KIAA0513: variants seen among roughly 807,000 people sequenced by gnomAD.
KIAA0513 encodes uncharacterized protein KIAA0513.
KIAA0513 carries 39 observed loss-of-function variants against 56.5 expected under a neutral mutation model. That is an observed-to-expected ratio of 0.69 (90% CI 0.53 to 0.90). KIAA0513 has a LOEUF of 0.90. Among genes scored for constraint, KIAA0513 ranks in the 40% least tolerant of loss-of-function variants. The pLI is 0.00. For synonymous variants in KIAA0513, 268 were observed against 215.6 expected, an observed-to-expected ratio of 1.24 and a Z score of -2.13; for missense variants, 591 against 535.2, an observed-to-expected ratio of 1.10 and a Z score of -1.03.
intron 1 of KIAA0513, among the ~76,000 whole-genome samples, chr16:85,033,844 C>T (rs996862421): frequency 6.6e-6 from 1 of 152,294 alleles, no homozygotes; most frequent in East Asian, 1.9e-4. Context: ...TCAAATGATA[C>T]AGAAAGATGT....
intron 2 of KIAA0513, among the ~76,000 whole-genome samples, chr16:85,068,746 C>T (rs963435611): frequency 6.6e-6 from 1 of 152,194 alleles, no homozygotes; most frequent in East Asian, 1.9e-4. Context: ...GGATTACAGG[C>T]GTGGGCCACC....
rs990722730 is a variant in KIAA0513 at position 85,091,527 on chromosome 16, C to A, written c.*3202C>A. The A allele has an allele frequency of 6.6e-6, 1 of 152,146 alleles. No individual in the cohort carries two copies. Among genetic ancestry groups the A allele is most frequent in the African/African-American group, 2.4e-5 (1 of 41,414 alleles). The allele number at this position is 152,146 out of a possible 1,614,324, so 9.4% of individuals were successfully genotyped here. On this transcript the variant is annotated 3_prime_UTR_variant, in exon 13 of 13. Coordinates refer to ENST00000683363, the MANE Select transcript of KIAA0513 (RefSeq NM_001388359.1). ...GAGAGTCCAGTTTCTGAGCTCTGTA[C>A]CCAAATTAAAATCCTGATGTTCAGG...
In KIAA0513 at chr16:85,092,573, C is replaced by T. The variant is rs28677468; in HGVS notation, c.*4248C>T. 14,411 of 152,206 alleles carry T rather than the reference C, an allele frequency of 0.095. 958 individuals carry two copies. Among genetic ancestry groups the T allele is most frequent in the Admixed American group, 0.2 (3,084 of 15,276 alleles). The allele number at this position is 152,206 out of a possible 1,614,324, so 9.4% of individuals were successfully genotyped here. A position where few individuals can be genotyped will look rare whatever the true frequency, so the allele number is the denominator to read the frequency against. Reference sequence around the variant, plus strand: ...AAACGGCCAGATTCTCACTCAAGGTCGTTCTCACTCCTTTTCCTGTCCCGT... The same window carrying T: ...AAACGGCCAGATTCTCACTCAAGGTTGTTCTCACTCCTTTTCCTGTCCCGT... On this transcript the variant is annotated 3_prime_UTR_variant, in exon 13 of 13. Transcript: ENST00000683363.
At chr16:85,050,733 AT>A (rs1311284453) in intron 1 of KIAA0513, among the ~76,000 whole-genome samples, 2 of 152,150 alleles carry the variant, frequency 1.3e-5, no homozygotes, top group East Asian at 3.9e-4. Flanking sequence ...AGCCTTGTGC[AT>A]TGTTGCTGAG....
intron 8 of KIAA0513, among the ~76,000 whole-genome samples, chr16:85,080,414 T>C (rs1358983634): frequency 6.6e-6 from 1 of 152,198 alleles, no homozygotes; most frequent in African/African-American, 2.4e-5. Flanking sequence ...GCGTGGCTTG[T>C]TCCAATAAAA....
intron 1 of KIAA0513, among the ~76,000 whole-genome samples, chr16:85,055,825 T>C (rs1012296927): frequency 6.6e-6 from 1 of 152,232 alleles, no homozygotes; most frequent in African/African-American, 2.4e-5. Flanking sequence ...CTGTAAAGCC[T>C]GTGAGTTGTA....
chr16:85,034,675 A>G (rs943428642), intron 1 of KIAA0513, among the ~76,000 whole-genome samples: 1 of 152,106 alleles, frequency 6.6e-6, no homozygotes, highest in Non-Finnish European at 1.5e-5. Flanking sequence ...TATGGCTCAT[A>G]TTTATAGGGT....
At chr16:85,054,244 C>G (rs548356921) in intron 1 of KIAA0513, among the ~76,000 whole-genome samples, 11 of 152,168 alleles carry the variant, frequency 7.2e-5, no homozygotes, top group Admixed American at 2.0e-4. Context: ...GAAAGAATGT[C>G]TTTTAGAATT....
chr16:85,090,680 A>C lies in KIAA0513; in HGVS notation c.*2355A>C, dbSNP rs1262481826. ...GATCTAGCTCCTCAGAGTTGGAGGA[A>C]GGCTGACAGAGAAGGTCTCCTCTGT... is the stretch of plus-strand genomic sequence containing the variant. On this transcript the variant is annotated 3_prime_UTR_variant, in exon 13 of 13. Coordinates refer to ENST00000683363, the MANE Select transcript of KIAA0513 (RefSeq NM_001388359.1). 6.6e-6 allele frequency: 1 copy of C among 152,286 alleles called. No homozygotes were observed. Among genetic ancestry groups the C allele is most frequent in the Non-Finnish European group, 1.5e-5 (1 of 68,076 alleles). The allele number at this position is 152,286 out of a possible 1,614,324, so 9.4% of individuals were successfully genotyped here. A position where few individuals can be genotyped will look rare whatever the true frequency, so the allele number is the denominator to read the frequency against.
Position 85,087,070 on chromosome 16 carries a change from A to G in KIAA0513, c.1092-2A>G, listed in dbSNP as rs753733825. 6.2e-7 allele frequency: 1 copy of G among 1,614,096 alleles called. No individual in the cohort carries two copies. The highest frequency in any genetic ancestry group is 2.2e-5 in the East Asian group (1 of 44,874). The stretch of plus-strand genomic sequence containing the variant: ...GTGACGCTCTTGGGGTTTCTCCTGC[A>G]GCACATTCACGCACAACATGCTGGC... On this transcript the variant is annotated splice_acceptor_variant, in intron 11 of 12. Transcript: ENST00000683363. LOFTEE classifies it high-confidence loss of function.
intron 3 of KIAA0513, among the ~76,000 whole-genome samples, 155 bp downstream of exon 3, chr16:85,072,037 C>T (rs12597135): frequency 0.37 from 56,512 of 151,858 alleles, 10,563 homozygotes; most frequent in South Asian, 0.43. Context: ...TCCAAAAATA[C>T]TCTGAAAAGG....
chr16:85,066,231 G>A (rs2073479097), intron 1 of KIAA0513, among the ~76,000 whole-genome samples: 1 of 152,184 alleles, frequency 6.6e-6, no homozygotes, highest in African/African-American at 2.4e-5. Flanking sequence ...TAGAACTCCA[G>A]GGTGGGAATG....
chr16:85,042,754 C>G (rs1343696043), intron 1 of KIAA0513, among the ~76,000 whole-genome samples: 2 of 152,162 alleles, frequency 1.3e-5, no homozygotes. Flanking sequence ...CAGCATGGCT[C>G]CCTCTCAGCA....
At chr16:85,086,854 C>A in intron 11 of KIAA0513, 130 bp downstream of exon 11, 1 of 923,426 alleles carries the variant, frequency 1.1e-6, no homozygotes, top group Non-Finnish European at 1.7e-6. Flanking sequence ...CACACTTGGC[C>A]TCCATGCCAG....
intron 1 of KIAA0513, among the ~76,000 whole-genome samples, chr16:85,064,148 G>T (rs577202139): frequency 6.6e-6 from 1 of 151,958 alleles, no homozygotes; most frequent in African/African-American, 2.4e-5. Flanking sequence ...TAGGATTACA[G>T]GCGTGCGCCA....
chr16:85,049,866 T>C (rs1212047956), intron 1 of KIAA0513, among the ~76,000 whole-genome samples: 2 of 152,232 alleles, frequency 1.3e-5, no homozygotes, highest in Non-Finnish European at 2.9e-5. Context: ...AGCCTCTCCC[T>C]GTCCAGTAAT....
rs772608567 is a variant in KIAA0513, at chr16:85,073,001, A to G, written c.503+3A>G. The stretch of plus-strand genomic sequence containing the variant: ...TCTTTTGCAGTGGTGCTGTTCGAGT[A>G]AGTAATGCCGTGGCACAAAGCCTTT... On this transcript the variant is annotated splice_donor_region_variant and intron_variant, in intron 4 of 12. Coordinates refer to ENST00000683363, the MANE Select transcript of KIAA0513 (RefSeq NM_001388359.1). The G allele has an allele frequency of 4.3e-6, 7 of 1,613,046 alleles. No individual in the cohort carries two copies. In the Admixed American group the frequency reaches 5.0e-5, roughly 12 times the overall value.
At chr16:85,073,111 C>A (rs1445159639) in intron 4 of KIAA0513, 113 bp downstream of exon 4, 2 of 881,894 alleles carry the variant, frequency 2.3e-6, no homozygotes, top group Admixed American at 3.5e-5. Context: ...CCACACTAGT[C>A]ATCAGGTTGC....
chr16:85,077,330 C>A, intron 5 of KIAA0513, 95 bp from the exon 6 acceptor site: 3 of 1,192,344 alleles, frequency 2.5e-6, no homozygotes, highest in South Asian at 1.4e-5. Context: ...ATCCCCACTG[C>A]ACAGGACCCC....
Sources: gnomAD v4.1 joint callset for allele counts (sites outside exome capture counted in the v4.1 genomes callset) on GRCh38, gnomAD v4.1.1 for gene constraint, MANE v1.5 for transcripts, NCBI Gene and HGNC (gene_info 2026-07-23, HGNC 2026-07-21) for gene names.